Variants in FOXN4 observed in about 807,000 individuals in gnomAD.
FOXN4 encodes forkhead box protein N4.
In FOXN4, 12 loss-of-function variants were observed where a neutral mutation model predicts 45.0. The ratio of observed to expected loss-of-function variants is 0.27; its 90% CI spans 0.17 to 0.43. The LOEUF (loss-of-function observed/expected upper bound fraction) is 0.43, where lower values mean the gene tolerates loss of function less well. Ranked by LOEUF, FOXN4 falls within the 20% of genes least tolerant of loss-of-function variation. The pLI is 1.00. For synonymous variants in FOXN4, 297 were observed against 295.0 expected (o/e 1.01, Z -0.07); for missense variants, 560 against 694.9 (o/e 0.81, Z 2.18).
chr12:109,301,647 C>T (rs747345625), intron 2 of FOXN4, among the ~76,000 whole-genome samples: 1 of 152,268 alleles, frequency 6.6e-6, no homozygotes, highest in Non-Finnish European at 1.5e-5. Flanking sequence ...TAAATGATCT[C>T]TCCTGCAAGA....
Position 109,291,848 on chromosome 12 carries a change from C to G in FOXN4, c.87-1562G>C, listed in dbSNP as rs1028031776. Among the ~76,000 whole-genome samples the G allele has an allele frequency of 5.3e-5, 8 of 152,280 alleles. No individual in the cohort carries two copies. The highest frequency in any genetic ancestry group is 2.1e-4 in the South Asian group (1 of 4,824). ...TGTCCCCCGGCATCCCATTGTGTGA[C>G]AAACGACTGTTGCCCCTGTGGCACG... On this transcript the variant is annotated intron_variant, in intron 2 of 9. Transcript: ENST00000299162. The surrounding 1 kb of genome is among the most constrained non-coding windows in gnomAD (Gnocchi z 6.6).
chr12:109,290,220 C>T lies in FOXN4; in HGVS notation c.153G>A (p.Ala51=), dbSNP rs988624209. Residue 51 remains alanine, a synonymous_variant, in exon 3 of 10, where the codon GCG becomes GCA. Transcript: ENST00000299162. This position sits in a 1 kb window ranked among gnomAD's most constrained non-coding sequence, Gnocchi z 5.1. ...GDLQSLSWLT[A]VDVPRLQQMA... ...TCTGCTGCAGCCGAGGCACATCCACCGCCGTGAGCCACGACAGCGACTGCA... is the reference window on the plus strand; with the variant it reads ...TCTGCTGCAGCCGAGGCACATCCACTGCCGTGAGCCACGACAGCGACTGCA... 6.4e-6 allele frequency: 10 copies of T among 1,551,352 alleles called. No individual in the cohort carries two copies. The highest frequency in any genetic ancestry group is 1.7e-4 in the Middle Eastern group (1 of 6,012).
intron 6 of FOXN4, 143 bp from the exon 7 acceptor site, chr12:109,286,887 T>C: frequency 7.0e-7 from 1 of 1,434,962 alleles, no homozygotes. Flanking sequence ...CAGTGAGCTC[T>C]CAATATCTTT....
chr12:109,281,683 A>G lies in FOXN4; in HGVS notation c.1018T>C (p.Cys340Arg). The G allele has an allele frequency of 1.2e-6, 2 of 1,610,642 alleles. No individual in the cohort carries two copies. Among genetic ancestry groups the G allele is most frequent in the Non-Finnish European group, 1.7e-6 (2 of 1,178,912 alleles). Residue 340 changes from cysteine to arginine, a missense_variant, in exon 9 of 10, where the codon TGC becomes CGC. Physicochemically the swap from Cys to Arg is radical, Grantham distance 180 (BLOSUM62 -3). Transcript: ENST00000299162. ...GGTGGGAGCTGGGAGACAGCCAGGC[A>G]GCCATGCGCCACGGCCACTGTGGTG... ...HATTVAVAHG[C>R]LAVSQLPPQP... is the part of the protein sequence containing the mutation.
Position 109,288,208 on chromosome 12 carries a change from C to T in FOXN4, c.233-28G>A, listed in dbSNP as rs1440501076. 1.3e-6 allele frequency: 2 copies of T among 1,542,762 alleles called. No individual in the cohort carries two copies. The highest frequency in any genetic ancestry group is 1.7e-6 in the Non-Finnish European group (2 of 1,145,272). ...GCCGGAGAGAAGCACAGAGACGCTG[C>T]TGGGCTGGAGGAATGGTGGCTGCCA... On this transcript the variant is annotated intron_variant, in intron 3 of 9. Transcript: ENST00000299162. This position sits in a 1 kb window ranked among gnomAD's most constrained non-coding sequence, Gnocchi z 4.3.
At chr12:109,286,500 G>T in intron 7 of FOXN4, 148 bp downstream of exon 7, 1 of 722,706 alleles carries the variant, frequency 1.4e-6, no homozygotes, top group Non-Finnish European at 2.3e-6. Context: ...TTTCTTCTGT[G>T]TGAGTGTGTG....
chr12:109,301,193 G>C (rs182073543), intron 2 of FOXN4, among the ~76,000 whole-genome samples: 6 of 152,310 alleles, frequency 3.9e-5, no homozygotes, highest in Admixed American at 3.9e-4. Context: ...ACTCTTAATG[G>C]GGAAGTCTTG....
intron 2 of FOXN4, among the ~76,000 whole-genome samples, chr12:109,294,600 G>T (rs1305454892): frequency 2.0e-5 from 3 of 152,216 alleles, no homozygotes; most frequent in Admixed American, 1.3e-4. Flanking sequence ...ACCTGCAGTG[G>T]CTGTGGGTAC....
In FOXN4 at chr12:109,287,406, T is replaced by C; in HGVS notation, c.587A>G (p.Tyr196Cys). Residue 196 changes from tyrosine to cysteine, a missense_variant, in exon 6 of 10, where the codon TAC becomes TGC. By Grantham distance (194) the Tyr-to-Cys change is radical (BLOSUM62 -2). Around this residue, in one of 5 missense-constraint regions of FOXN4, gnomAD observed 61 missense variants for 59.8 expected, o/e 1.02. Transcript: ENST00000299162. The surrounding 1 kb of genome is among the most constrained non-coding windows in gnomAD (Gnocchi z 4.1). ...LHPKHYPKPIYSYSCLIAMAL... is the reference protein window; with the variant it reads ...LHPKHYPKPICSYSCLIAMAL... ...CCACCCTGGACCTCACCTGTACGAGTAGATGGGCTTGGGGTAGTGTTTGGG... is the reference window on the plus strand; with the variant it reads ...CCACCCTGGACCTCACCTGTACGAGCAGATGGGCTTGGGGTAGTGTTTGGG... 6.4e-7 allele frequency: 1 copy of C among 1,551,118 alleles called. No individual in the cohort carries two copies.
rs761238709 is a variant in FOXN4 at position 109,281,619 on chromosome 12, A to C, written c.1082T>G (p.Leu361Arg). Residue 361 changes from leucine to arginine, a missense_variant, in exon 9 of 10, where the codon CTG (leucine) becomes CGG (arginine). This residue lies in a region of FOXN4 where 315 missense variants were observed against 350.5 expected (regional missense o/e 0.90). Transcript: ENST00000299162. ...LMTLSLQSVP[L>R]HHQVQPQAHL... ...TGCCTGGGGCTGGACCTGGTGGTGC[A>C]GGGGGACTGACTGCAGGGACAGGGT... The C allele has an allele frequency of 5.6e-6, 9 of 1,609,786 alleles. No individual in the cohort carries two copies. Among genetic ancestry groups the C allele is most frequent in the Non-Finnish European group, 1.7e-6 (2 of 1,178,206 alleles).
chr12:109,284,312 C>T (rs1422074656), intron 8 of FOXN4, among the ~76,000 whole-genome samples: 2 of 152,180 alleles, frequency 1.3e-5, no homozygotes, highest in African/African-American at 4.8e-5. Context: ...AGGCCTATTT[C>T]ATAGGAGGGA....
intron 7 of FOXN4, 27 bp from the exon 8 acceptor site, chr12:109,285,538 GC>G: frequency 1.2e-6 from 2 of 1,612,296 alleles, no homozygotes; most frequent in Non-Finnish European, 1.7e-6. Flanking sequence ...GCATTCAGAG[GC>G]CTCCCTGTAA....
intron 8 of FOXN4, 31 bp downstream of exon 8, chr12:109,285,273 G>A (rs767211057): frequency 6.0e-6 from 9 of 1,489,278 alleles, no homozygotes; most frequent in Non-Finnish European, 7.2e-6. Flanking sequence ...GTGTGTGTGT[G>A]TGCGCGCACT....
chr12:109,298,604 C>A (rs186932704), intron 2 of FOXN4, among the ~76,000 whole-genome samples: 1 of 152,134 alleles, frequency 6.6e-6, no homozygotes, highest in Admixed American at 6.5e-5. Context: ...CTTAGGTGAT[C>A]CGCCCACCTC....
At chr12:109,305,117 A>G (rs1486271768) in intron 2 of FOXN4, among the ~76,000 whole-genome samples, 1 of 152,152 alleles carries the variant, frequency 6.6e-6, no homozygotes, top group East Asian at 1.9e-4. Context: ...GTGGTCACAA[A>G]TGGTGGTTAC....
Position 109,288,466 on chromosome 12 carries a change from G to A in FOXN4, c.233-286C>T, listed in dbSNP as rs2047736674. 6.6e-6 allele frequency among the ~76,000 whole-genome samples: 1 copy of A among 152,142 alleles called. No homozygotes were observed. The highest frequency in any genetic ancestry group is 2.1e-4 in the South Asian group (1 of 4,832). On this transcript the variant is annotated intron_variant, in intron 3 of 9. Transcript: ENST00000299162. This position sits in a 1 kb window ranked among gnomAD's most constrained non-coding sequence, Gnocchi z 4.3. ...TTAAATGAGATAATGTCTATCAAGT[G>A]CTTAGCACACTGCTGGGCACATGAT...
chr12:109,291,767 A>C lies in FOXN4; in HGVS notation c.87-1481T>G, dbSNP rs903251509. 6.6e-6 allele frequency among the ~76,000 whole-genome samples: 1 copy of C among 151,944 alleles called. No individual in the cohort carries two copies. Among genetic ancestry groups the C allele is most frequent in the Non-Finnish European group, 1.5e-5 (1 of 67,978 alleles). ...CCTCATAGGGAAACAGGGCCTGGAA[A>C]CGATTTGAAAACGCGGCCGGCCGGC... is the stretch of plus-strand genomic sequence containing the variant. On this transcript the variant is annotated intron_variant, in intron 2 of 9. Transcript: ENST00000299162. The surrounding 1 kb of genome is among the most constrained non-coding windows in gnomAD (Gnocchi z 6.6).
chr12:109,287,289 T>G lies in FOXN4; in HGVS notation c.596+108A>C. 2 of 1,434,734 alleles carry G rather than the reference T, an allele frequency of 1.4e-6. No homozygotes were observed. The highest frequency in any genetic ancestry group is 1.9e-6 in the Non-Finnish European group (2 of 1,061,292). 88.9% of individuals were successfully genotyped at this position (1,434,734 alleles called of 1,614,324 possible). A position where few individuals can be genotyped will look rare whatever the true frequency, so the allele number is the denominator to read the frequency against. ...TTCCCCACTCCCCAAAACCTCCCCCTTGGAAGTCTGGGCTGCCACACTAGC... is the reference window on the plus strand; with the variant it reads ...TTCCCCACTCCCCAAAACCTCCCCCGTGGAAGTCTGGGCTGCCACACTAGC... On this transcript the variant is annotated intron_variant, in intron 6 of 9. Coordinates refer to ENST00000299162, the MANE Select transcript of FOXN4 (RefSeq NM_213596.3). The surrounding 1 kb of genome is among the most constrained non-coding windows in gnomAD (Gnocchi z 4.1).
chr12:109,284,558 CGT>C (rs144054293), intron 8 of FOXN4, among the ~76,000 whole-genome samples: 1 of 148,302 alleles, frequency 6.7e-6, no homozygotes, highest in African/African-American at 2.5e-5. Context: ...TGTGTGCGCA[CGT>C]GTGTGTGCGT....
Sources: allele counts gnomAD v4.1 joint callset (sites outside exome capture counted in the v4.1 genomes callset), GRCh38; gene constraint gnomAD v4.1.1; regional missense constraint gnomAD v4.1.1; non-coding constraint Gnocchi (gnomAD v3.1); transcripts MANE v1.5; gene names NCBI Gene and HGNC (gene_info 2026-07-23, HGNC 2026-07-21).